Variants in VTI1B observed in about 807,000 individuals in gnomAD.
VTI1B encodes the protein vesicle transport through interaction with t-SNAREs homolog 1B.
VTI1B carries 18 observed loss-of-function variants against 28.6 expected under a neutral mutation model. That is an observed-to-expected ratio of 0.63 (90% CI 0.43 to 0.93). The LOEUF (loss-of-function observed/expected upper bound fraction) is 0.93, where lower values mean the gene tolerates loss of function less well. Among genes scored for constraint, VTI1B ranks in the 40% least tolerant of loss-of-function variants. The pLI, the probability that VTI1B is intolerant of heterozygous loss-of-function variation, is 0.00. For synonymous variants in VTI1B, 100 were observed against 107.9 expected, an observed-to-expected ratio of 0.93 and a Z score of 0.46; for missense variants, 283 against 297.0, an observed-to-expected ratio of 0.95 and a Z score of 0.35.
At chr14:67,657,101 T>G (rs1409328984) in intron 3 of VTI1B, 1 of 152,324 alleles carries the variant, frequency 6.6e-6, no homozygotes, top group Non-Finnish European at 1.5e-5. Context: ...GTTCTTCGTT[T>G]TAAGCCTCCA....
At position 67,651,371 on chromosome 14, in the gene VTI1B, T is replaced by C. The variant is rs1261326944; in HGVS notation, c.*14A>G. On this transcript the variant is annotated 3_prime_UTR_variant, in exon 6 of 6. Transcript: ENST00000554659. The stretch of plus-strand genomic sequence containing the variant: ...GGTCAAAGTTCTGGTCCACAAACCC[T>C]TCCCTATAGAAGTTCAATGGCTGCG... 2 of 1,613,482 alleles carry C rather than the reference T, an allele frequency of 1.2e-6. No homozygotes were observed. Among genetic ancestry groups the C allele is most frequent in the Non-Finnish European group, 1.7e-6 (2 of 1,179,528 alleles).
At chr14:67,663,273 G>C in intron 1 of VTI1B, 1 of 964,492 alleles carries the variant, frequency 1.0e-6, no homozygotes, top group Non-Finnish European at 1.5e-6. Flanking sequence ...TTTTCTGATA[G>C]TTTATACTAC....
chr14:67,653,819 G>A (rs770486612), intron 4 of VTI1B, among the ~76,000 whole-genome samples: 8 of 152,246 alleles, frequency 5.3e-5, no homozygotes, highest in Non-Finnish European at 1.2e-4. Context: ...GCCAGTGACT[G>A]TAGAGCAACT....
chr14:67,670,077 G>A (rs961744728), intron 1 of VTI1B, among the ~76,000 whole-genome samples: 2 of 152,130 alleles, frequency 1.3e-5, no homozygotes, highest in African/African-American at 4.8e-5. Flanking sequence ...CCTGGATGAC[G>A]GGAGACAGGA....
At chr14:67,653,577 G>A in intron 4 of VTI1B, 79 bp from the exon 5 acceptor site, 1 of 1,250,530 alleles carries the variant, frequency 8.0e-7, no homozygotes, top group Non-Finnish European at 1.1e-6. Context: ...ATTAACAGTA[G>A]GCATTAAGGG....
chr14:67,656,468 A>G lies in VTI1B; in HGVS notation c.488T>C (p.Ile163Thr). Reference protein sequence around the residue: ...ATETDQIGSEIIEELGEQRDQ... With the variant: ...ATETDQIGSETIEELGEQRDQ... ...TCGTTGTTCCCCCAGCTCTTCTATG[A>G]TTTCTGAGCCAATCTGGTCAGTCTC... Residue 163 changes from isoleucine (I) to threonine (T), a missense_variant, in exon 4 of 6, where the codon ATC becomes ACC. Physicochemically the swap from Ile to Thr is moderately conservative, Grantham distance 89 (BLOSUM62 -1). Coordinates refer to ENST00000554659, the MANE Select transcript of VTI1B (RefSeq NM_006370.3). 6.2e-7 allele frequency: 1 copy of G among 1,613,020 alleles called. No individual in the cohort carries two copies. The highest frequency in any genetic ancestry group is 8.5e-7 in the Non-Finnish European group (1 of 1,179,560).
chr14:67,653,575 T>G (rs112057996), intron 4 of VTI1B, 77 bp from the exon 5 acceptor site: 2 of 1,327,980 alleles, frequency 1.5e-6, no homozygotes, highest in Non-Finnish European at 2.1e-6. Flanking sequence ...AGATTAACAG[T>G]AGGCATTAAG....
intron 1 of VTI1B, among the ~76,000 whole-genome samples, chr14:67,667,684 C>T (rs1330228225): frequency 6.6e-6 from 1 of 152,302 alleles, no homozygotes; most frequent in East Asian, 1.9e-4. Context: ...GTGGCTCACG[C>T]CTGTAATCCC....
intron 1 of VTI1B, among the ~76,000 whole-genome samples, chr14:67,667,798 G>A (rs2037419186): frequency 6.6e-6 from 1 of 152,072 alleles, no homozygotes; most frequent in South Asian, 2.1e-4. Flanking sequence ...CAAAAACTTA[G>A]CCCGGCGTGG....
chr14:67,665,584 A>G (rs1171193197), intron 1 of VTI1B, among the ~76,000 whole-genome samples: 2 of 152,154 alleles, frequency 1.3e-5, no homozygotes, highest in Non-Finnish European at 2.9e-5. Flanking sequence ...CCACTTTTTA[A>G]GTGACCATAA....
intron 1 of VTI1B, among the ~76,000 whole-genome samples, chr14:67,670,086 G>A (rs1204736029): frequency 6.6e-6 from 1 of 152,182 alleles, no homozygotes; most frequent in African/African-American, 2.4e-5. Context: ...CGGGAGACAG[G>A]AGTGAGAACC....
At chr14:67,652,524 G>A (rs1054635795) in intron 5 of VTI1B, 1 of 156,138 alleles carries the variant, frequency 6.4e-6, no homozygotes, top group African/African-American at 2.4e-5. Flanking sequence ...AACAGCTTGT[G>A]TTTTCTGGAC....
In VTI1B at chr14:67,657,841, C is replaced by T. The variant is rs143853472; in HGVS notation, c.367-1252G>A. On this transcript the variant is annotated intron_variant, in intron 3 of 5. Coordinates refer to ENST00000554659, the MANE Select transcript of VTI1B (RefSeq NM_006370.3). ...TCAGCTCACTGCAGCCTCTGCCTCC[C>T]GGGCACAAGCAATTCTGCTGCCTCA... is the stretch of plus-strand genomic sequence containing the variant. Among the ~76,000 whole-genome samples, 1,049 of 151,834 alleles carry T rather than the reference C, an allele frequency of 6.9e-3. 13 individuals carry two copies. The highest frequency in any genetic ancestry group is 0.024 in the African/African-American group (1,007 of 41,382).
intron 5 of VTI1B, among the ~76,000 whole-genome samples, chr14:67,652,007 G>A (rs2037187460): frequency 1.3e-5 from 2 of 152,126 alleles, no homozygotes; most frequent in South Asian, 2.1e-4. Context: ...TGGTTCTCAT[G>A]TTCACTCTAG....
Position 67,647,901 on chromosome 14 carries a change from C to G in VTI1B, c.*3484G>C. The stretch of plus-strand genomic sequence containing the variant: ...CTCAGTAACTTCCAAGAATAGGAAG[C>G]CTGGAAATGTATTAACAGCTTTATT... On this transcript the variant is annotated 3_prime_UTR_variant, in exon 6 of 6. Coordinates refer to ENST00000554659, the MANE Select transcript of VTI1B (RefSeq NM_006370.3). 1.3e-5 allele frequency: 10 copies of G among 773,544 alleles called. No individual in the cohort carries two copies. Among genetic ancestry groups the G allele is most frequent in the Non-Finnish European group, 1.8e-5 (9 of 498,874 alleles). 47.9% of individuals were successfully genotyped at this position (773,544 alleles called of 1,614,324 possible). A position where few individuals can be genotyped will look rare whatever the true frequency, so the allele number is the denominator to read the frequency against.
In VTI1B at chr14:67,650,888, G is replaced by T; in HGVS notation, c.*497C>A. ...ACTTCCTACTCCCAGTTCACCAGAT[G>T]AATCAGAAAATCAAGCACGTGTGAG... On this transcript the variant is annotated 3_prime_UTR_variant, in exon 6 of 6. Transcript: ENST00000554659. The T allele has an allele frequency of 6.2e-7, 1 of 1,614,076 alleles. No homozygotes were observed. Among genetic ancestry groups the T allele is most frequent in the Non-Finnish European group, 8.5e-7 (1 of 1,179,960 alleles).
rs1025526653 is a variant in VTI1B at position 67,647,984 on chromosome 14, G to A, written c.*3401C>T. ...AAGGAGTTGCAACCATAAGAAGGAT[G>A]AGTGTCCAAGGACAACCAGTTAAGT... is the stretch of plus-strand genomic sequence containing the variant. On this transcript the variant is annotated 3_prime_UTR_variant, in exon 6 of 6. Coordinates refer to ENST00000554659, the MANE Select transcript of VTI1B (RefSeq NM_006370.3). 9.6e-6 allele frequency: 14 copies of A among 1,461,340 alleles called. No individual in the cohort carries two copies. Among genetic ancestry groups the A allele is most frequent in the African/African-American group, 7.0e-5 (5 of 71,054 alleles). 90.5% of individuals were successfully genotyped at this position (1,461,340 alleles called of 1,614,324 possible). A position where few individuals can be genotyped will look rare whatever the true frequency, so the allele number is the denominator to read the frequency against.
In VTI1B at chr14:67,647,087, T is replaced by G; in HGVS notation, c.*4298A>C. The stretch of plus-strand genomic sequence containing the variant: ...ATGGGCAACACACTTTTAGCCTGTT[T>G]CTTGAGGACAGCAGCTTTACTTTTA... On this transcript the variant is annotated 3_prime_UTR_variant, in exon 6 of 6. Coordinates refer to ENST00000554659, the MANE Select transcript of VTI1B (RefSeq NM_006370.3). 9.4e-7 allele frequency: 1 copy of G among 1,060,452 alleles called. No homozygotes were observed. Among genetic ancestry groups the G allele is most frequent in the Non-Finnish European group, 1.4e-6 (1 of 691,648 alleles). The allele number at this position is 1,060,452 out of a possible 1,614,324, so 65.7% of individuals were successfully genotyped here.
chr14:67,656,378 C>T (rs1265049324), intron 4 of VTI1B, 38 bp downstream of exon 4: 1 of 1,525,570 alleles, frequency 6.6e-7, no homozygotes, highest in East Asian at 2.3e-5. Context: ...CCCCTAATTA[C>T]CCCATACTTG....
Sources: gnomAD v4.1 joint callset for allele counts (sites outside exome capture counted in the v4.1 genomes callset) on GRCh38, gnomAD v4.1.1 for gene constraint, MANE v1.5 for transcripts, NCBI Gene and HGNC (gene_info 2026-07-23, HGNC 2026-07-21) for gene names.